SHISA6: variants seen among roughly 807,000 people sequenced by gnomAD.
SHISA6 encodes shisa family member 6.
A neutral mutation model predicts 47.9 loss-of-function variants in SHISA6; 22 were observed. The ratio of observed to expected loss-of-function variants is 0.46; its 90% CI spans 0.33 to 0.66. The LOEUF is 0.66. Ranked by LOEUF, SHISA6 falls within the 30% of genes least tolerant of loss-of-function variation. The probability of loss-of-function intolerance (pLI) is 0.02; values close to 1 mark genes in which losing one functional copy is unlikely to be tolerated. For missense variants in SHISA6, 680 were observed against 764.6 expected (o/e 0.89, Z 1.30); for synonymous variants, 388 against 337.8 (o/e 1.15, Z -1.63).
intron 3 of SHISA6, among the ~76,000 whole-genome samples, chr17:11,384,068 A>G (rs1348289282): frequency 3.9e-5 from 6 of 152,106 alleles, no homozygotes; most frequent in Admixed American, 6.5e-5. Context: ...CCCCTTTACA[A>G]CCACCCTGTG....
chr17:11,535,692 G>A (rs1454581001), intron 3 of SHISA6, among the ~76,000 whole-genome samples: 1 of 152,174 alleles, frequency 6.6e-6, no homozygotes, highest in Non-Finnish European at 1.5e-5. Flanking sequence ...CAAGAGCATC[G>A]TGTTTGGAGT....
At chr17:11,382,420 A>C (rs950398339) in intron 3 of SHISA6, among the ~76,000 whole-genome samples, 2 of 152,052 alleles carry the variant, frequency 1.3e-5, no homozygotes, top group Non-Finnish European at 2.9e-5. Context: ...AGTCCTCTGG[A>C]CAGCTGGGAT....
At chr17:11,491,726 A>T (rs2142338555) in intron 3 of SHISA6, among the ~76,000 whole-genome samples, 1 of 150,646 alleles carries the variant, frequency 6.6e-6, no homozygotes, top group African/African-American at 2.4e-5. Flanking sequence ...AAATTAGAAA[A>T]TTTGGTCCAG....
At position 11,276,917 on chromosome 17, in the gene SHISA6, T is replaced by C. The variant is rs186137069; in HGVS notation, c.799+13391T>C. On this transcript the variant is annotated intron_variant, in intron 2 of 5. Coordinates refer to ENST00000441885, the MANE Select transcript of SHISA6 (RefSeq NM_207386.4). ...ACCAGGTTTATGAAATTTGTCATTG[T>C]TTTAATACTAATATCTAAAGGAGAG... Among the ~76,000 whole-genome samples the C allele has an allele frequency of 3.1e-3, 472 of 152,296 alleles. 2 individuals are homozygous for C. Among genetic ancestry groups the C allele is most frequent in the African/African-American group, 0.011 (449 of 41,554 alleles).
intron 2 of SHISA6, among the ~76,000 whole-genome samples, chr17:11,350,919 A>T (rs1373742639): frequency 3.3e-5 from 5 of 152,214 alleles, no homozygotes; most frequent in Non-Finnish European, 5.9e-5. Flanking sequence ...TAGACTGGAT[A>T]AAGAAAATGT....
At chr17:11,554,650 C>T (rs117122392) in intron 4 of SHISA6, among the ~76,000 whole-genome samples, 3,435 of 152,244 alleles carry the variant, frequency 0.023, 52 homozygotes, top group Non-Finnish European at 0.035. Context: ...AATGACACAG[C>T]GAGACTATAG....
chr17:11,250,626 G>A (rs1046336089), intron 1 of SHISA6, among the ~76,000 whole-genome samples: 1 of 152,198 alleles, frequency 6.6e-6, no homozygotes, highest in Non-Finnish European at 1.5e-5. Context: ...TTGGTAAAGG[G>A]CTGGGCATTT....
chr17:11,257,022 T>C (rs2142141431), intron 1 of SHISA6, among the ~76,000 whole-genome samples: 1 of 152,316 alleles, frequency 6.6e-6, no homozygotes, highest in South Asian at 2.1e-4. Flanking sequence ...ATTTCAATTG[T>C]GCTGGGGACA....
intron 3 of SHISA6, among the ~76,000 whole-genome samples, chr17:11,415,051 C>CT (rs1022365282): frequency 1.3e-5 from 2 of 150,758 alleles, no homozygotes; most frequent in African/African-American, 4.9e-5. Context: ...GCACTCCAGC[C>CT]TGGGGCGACA....
At chr17:11,293,315 A>G (rs1909621405) in intron 2 of SHISA6, among the ~76,000 whole-genome samples, 1 of 152,148 alleles carries the variant, frequency 6.6e-6, no homozygotes, top group South Asian at 2.1e-4. Context: ...GCAAAAGGTT[A>G]CAGGGGCTAT....
At chr17:11,365,652 A>G (rs1912426162) in intron 2 of SHISA6, among the ~76,000 whole-genome samples, 1 of 152,224 alleles carries the variant, frequency 6.6e-6, no homozygotes, top group Admixed American at 6.5e-5. Context: ...TAATATTGAG[A>G]GAAGTTCATT....
intron 3 of SHISA6, among the ~76,000 whole-genome samples, chr17:11,427,333 C>T (rs983403599): frequency 6.6e-6 from 1 of 152,150 alleles, no homozygotes; most frequent in African/African-American, 2.4e-5. Context: ...CGGGGTTTCA[C>T]CATGTTGTCC....
chr17:11,420,637 G>A (rs533897636), intron 3 of SHISA6, among the ~76,000 whole-genome samples: 1 of 152,148 alleles, frequency 6.6e-6, no homozygotes, highest in African/African-American at 2.4e-5. Flanking sequence ...TCTGTAACAC[G>A]CCACAGGAAG....
intron 1 of SHISA6, among the ~76,000 whole-genome samples, chr17:11,247,968 G>A (rs565195538): frequency 9.1e-4 from 139 of 152,146 alleles, no homozygotes; most frequent in Non-Finnish European, 1.4e-3. Flanking sequence ...TAGAGACAGC[G>A]TTTCACCATG....
At chr17:11,407,072 A>G (rs1340409558) in intron 3 of SHISA6, among the ~76,000 whole-genome samples, 1 of 152,218 alleles carries the variant, frequency 6.6e-6, no homozygotes, top group African/African-American at 2.4e-5. Context: ...ATGGCACAGT[A>G]TTTGGACATA....
chr17:11,270,221 G>A lies in SHISA6; in HGVS notation c.799+6695G>A, dbSNP rs186789993. On this transcript the variant is annotated intron_variant, in intron 2 of 5. Coordinates refer to ENST00000441885, the MANE Select transcript of SHISA6 (RefSeq NM_207386.4). ...AAACTCCTGAGCTCGTGAGCTGCTCGCCTTCGCCTCCCAAAGTGCTGGGAT... is the reference window on the plus strand; with the variant it reads ...AAACTCCTGAGCTCGTGAGCTGCTCACCTTCGCCTCCCAAAGTGCTGGGAT... Among the ~76,000 whole-genome samples the A allele has an allele frequency of 2.4e-3, 366 of 152,288 alleles. 6 individuals carry two copies. The highest frequency in any genetic ancestry group is 8.3e-3 in the African/African-American group (343 of 41,556).
chr17:11,442,933 AG>A (rs1421569027), intron 3 of SHISA6, among the ~76,000 whole-genome samples: 1 of 152,220 alleles, frequency 6.6e-6, no homozygotes, highest in Non-Finnish European at 1.5e-5. Flanking sequence ...TCCAGAGCTC[AG>A]GCAAGGAGGG....
At chr17:11,544,406 C>T (rs967302438) in intron 3 of SHISA6, among the ~76,000 whole-genome samples, 2 of 151,884 alleles carry the variant, frequency 1.3e-5, no homozygotes, top group African/African-American at 4.8e-5. Context: ...AACGACGAGA[C>T]ATTATACTGA....
chr17:11,286,185 C>G (rs968152557), intron 2 of SHISA6, among the ~76,000 whole-genome samples: 2 of 151,982 alleles, frequency 1.3e-5, no homozygotes, highest in African/African-American at 2.4e-5. Flanking sequence ...TCAGAGTGGC[C>G]TCACCCCTGC....
Sources: gnomAD v4.1 joint callset for allele counts (sites outside exome capture counted in the v4.1 genomes callset) on GRCh38, gnomAD v4.1.1 for gene constraint, MANE v1.5 for transcripts, NCBI Gene and HGNC (gene_info 2026-07-23, HGNC 2026-07-21) for gene names.